ZPBP: variants seen among roughly 807,000 people sequenced by gnomAD.
The protein encoded by ZPBP is zona pellucida binding protein, also known as zona pellucida-binding protein 1.
A neutral mutation model predicts 44.8 loss-of-function variants in ZPBP; 26 were observed. The observed-to-expected ratio is 0.58, with a 90% confidence interval of 0.43 to 0.81. The LOEUF (loss-of-function observed/expected upper bound fraction) is 0.81, where lower values mean the gene tolerates loss of function less well. Ranked by LOEUF, ZPBP falls within the 30% of genes least tolerant of loss-of-function variation. The probability of loss-of-function intolerance (pLI) is 0.00; values close to 1 mark genes in which losing one functional copy is unlikely to be tolerated. For missense variants in ZPBP, 409 were observed against 434.0 expected, an observed-to-expected ratio of 0.94 and a Z score of 0.51; for synonymous variants, 174 against 153.2, an observed-to-expected ratio of 1.14 and a Z score of -1.00.
rs368455759 is a variant in ZPBP, at chr7:49,853,533, G to GT, written n.510-3020dup. Among the ~76,000 whole-genome samples, 680 of 149,188 alleles carry GT rather than the reference G, an allele frequency of 4.6e-3. 3 individuals carry two copies. Among genetic ancestry groups the GT allele is most frequent in the Middle Eastern group, 0.024 (7 of 292 alleles). Reference sequence around the variant, plus strand: ...GAATAAGATAGGTCCTAAGTTTTTGGTTTTTTTTTTCTTTATCACGGTAGA... The same window carrying GT: ...GAATAAGATAGGTCCTAAGTTTTTGGTTTTTTTTTTTCTTTATCACGGTAGA... On this transcript the variant is annotated intron_variant and non_coding_transcript_variant, in intron 2 of 2. Coordinates refer to the ZPBP transcript ENST00000465922.
intron 2 of ZPBP, among the ~76,000 whole-genome samples, chr7:50,086,336 T>C (rs1464223301): frequency 6.6e-6 from 1 of 151,996 alleles, no homozygotes; most frequent in African/African-American, 2.4e-5. Context: ...TATGGCCATA[T>C]GCATAAAAAG....
intron 2 of ZPBP, among the ~76,000 whole-genome samples, chr7:49,895,140 T>C (rs1005856184): frequency 1.3e-5 from 2 of 152,224 alleles, no homozygotes; most frequent in African/African-American, 2.4e-5. Flanking sequence ...ACTTGCAGAT[T>C]TGGTGTTTGG....
At chr7:50,057,186 C>CAAA (rs200305836) in intron 4 of ZPBP, among the ~76,000 whole-genome samples, 1 of 93,980 alleles carries the variant, frequency 1.1e-5, no homozygotes, top group Admixed American at 1.1e-4. Flanking sequence ...GACTCCATCT[C>CAAA]AAAAAAAAAA....
intron 2 of ZPBP, among the ~76,000 whole-genome samples, chr7:49,873,413 C>T (rs1018798490): frequency 6.6e-6 from 1 of 152,162 alleles, no homozygotes; most frequent in African/African-American, 2.4e-5. Flanking sequence ...ACCATGAGTG[C>T]TCCACCCTCA....
chr7:49,971,262 G>C (rs1796294849), intron 7 of ZPBP, among the ~76,000 whole-genome samples: 1 of 151,868 alleles, frequency 6.6e-6, no homozygotes, highest in African/African-American at 2.4e-5. Flanking sequence ...ACTGAACACA[G>C]AATCACCATA....
At chr7:49,960,059 T>A (rs1271721832) in intron 7 of ZPBP, among the ~76,000 whole-genome samples, 1 of 152,128 alleles carries the variant, frequency 6.6e-6, no homozygotes, top group Non-Finnish European at 1.5e-5. Context: ...AACCTTTTTC[T>A]CACACCAAAC....
chr7:50,018,226 C>G lies in ZPBP; in HGVS notation c.783+14G>C, dbSNP rs768785407. 6.2e-7 allele frequency: 1 copy of G among 1,608,262 alleles called. No individual in the cohort carries two copies. The highest frequency in any genetic ancestry group is 8.5e-7 in the Non-Finnish European group (1 of 1,176,528). The stretch of plus-strand genomic sequence containing the variant: ...TAACTTTTTTTTTCCTTTTACCAGC[C>G]TCACATAACATACCTTAAAAAGTCT... On this transcript the variant is annotated intron_variant, in intron 6 of 7. Coordinates refer to ENST00000046087, the MANE Select transcript of ZPBP (RefSeq NM_007009.3).
intron 7 of ZPBP, among the ~76,000 whole-genome samples, chr7:49,972,883 C>A (rs978218769): frequency 6.6e-6 from 1 of 151,650 alleles, no homozygotes; most frequent in Non-Finnish European, 1.5e-5. Flanking sequence ...GACATACAGA[C>A]CAATGGAACA....
intron 1 of ZPBP, among the ~76,000 whole-genome samples, chr7:49,909,946 T>C (rs1351690): frequency 0.019 from 2,821 of 147,582 alleles, 101 homozygotes; most frequent in African/African-American, 0.066. Flanking sequence ...TCTCCAAAGA[T>C]TTTTTTTTTT....
chr7:49,980,075 TATATA>T (rs1313065375), intron 7 of ZPBP, among the ~76,000 whole-genome samples: 5 of 12,732 alleles, frequency 3.9e-4, no homozygotes, highest in Admixed American at 7.1e-4. Context: ...TATTATAATA[TATATA>T]ATATAATTTT....
At chr7:49,945,041 G>A (rs1905273) in intron 7 of ZPBP, among the ~76,000 whole-genome samples, 74,825 of 151,862 alleles carry the variant, frequency 0.49, 18,792 homozygotes, top group South Asian at 0.58. Flanking sequence ...AGGTACATCA[G>A]GTTTCCATTT....
chr7:49,871,749 T>C (rs926566172), intron 2 of ZPBP, among the ~76,000 whole-genome samples: 3 of 150,936 alleles, frequency 2.0e-5, no homozygotes, highest in Non-Finnish European at 4.4e-5. Context: ...AAATAAATGG[T>C]TTGTTTTAAA....
chr7:50,041,609 AC>A (rs1302128927), intron 4 of ZPBP, among the ~76,000 whole-genome samples: 17 of 152,212 alleles, frequency 1.1e-4, no homozygotes, highest in African/African-American at 4.1e-4. Context: ...AGTAGCATCG[AC>A]ATCAACAAAA....
intron 5 of ZPBP, among the ~76,000 whole-genome samples, chr7:50,027,342 G>A (rs190052529): frequency 6.6e-6 from 1 of 151,950 alleles, no homozygotes; most frequent in African/African-American, 2.4e-5. Flanking sequence ...ATACAAATAT[G>A]TGGAAATTGA....
chr7:50,091,400 T>C (rs775622939), intron 1 of ZPBP, among the ~76,000 whole-genome samples: 1 of 152,200 alleles, frequency 6.6e-6, no homozygotes, highest in Non-Finnish European at 1.5e-5. Flanking sequence ...CATGAAATCT[T>C]TGCCTAAATG....
intron 6 of ZPBP, among the ~76,000 whole-genome samples, chr7:50,013,160 A>G (rs1281248973): frequency 6.6e-6 from 1 of 151,976 alleles, no homozygotes; most frequent in Non-Finnish European, 1.5e-5. Context: ...TAAAATTATT[A>G]CATAGAAGAC....
chr7:49,894,505 A>C (rs1792285091), intron 2 of ZPBP, among the ~76,000 whole-genome samples: 1 of 152,228 alleles, frequency 6.6e-6, no homozygotes, highest in African/African-American at 2.4e-5. Flanking sequence ...GTGGCAATTT[A>C]TCCACCAACT....
intron 2 of ZPBP, among the ~76,000 whole-genome samples, chr7:49,886,183 T>G (rs965153550): frequency 6.6e-5 from 10 of 152,092 alleles, no homozygotes; most frequent in Non-Finnish European, 7.4e-5. Flanking sequence ...CACCACAGTG[T>G]GGGGTGAGGG....
intron 1 of ZPBP, among the ~76,000 whole-genome samples, chr7:49,930,824 A>G (rs558327060): frequency 6.6e-6 from 1 of 152,358 alleles, no homozygotes; most frequent in African/African-American, 2.4e-5. Flanking sequence ...GGAAGCAATA[A>G]AAATGTCCAA....
Sources: allele counts gnomAD v4.1 joint callset (sites outside exome capture counted in the v4.1 genomes callset), GRCh38; gene constraint gnomAD v4.1.1; transcripts MANE v1.5; gene names NCBI Gene and HGNC (gene_info 2026-07-23, HGNC 2026-07-21).